Variants in ROBO2 observed in about 807,000 individuals in gnomAD.
ROBO2 encodes roundabout homolog 2.
In ROBO2, 53 loss-of-function variants were observed where a neutral mutation model predicts 160.8. The observed-to-expected ratio is 0.33, with a 90% CI of 0.26 to 0.41. The LOEUF (loss-of-function observed/expected upper bound fraction) is 0.41, where lower values mean the gene tolerates loss of function less well. ROBO2 is among the 10% of genes least tolerant of loss of function. ROBO2 has a pLI of 1.00. For synonymous variants in ROBO2, 664 were observed against 611.7 expected (o/e 1.09, Z -1.26); for missense variants, 1,577 against 1,722.4 (o/e 0.92, Z 1.49).
intron 2 of ROBO2, among the ~76,000 whole-genome samples, chr3:77,289,182 G>T (rs914838619): frequency 6.6e-6 from 1 of 152,184 alleles, no homozygotes; most frequent in Admixed American, 6.5e-5. Context: ...GCACTGATGT[G>T]AGGGGAGGTG....
intron 2 of ROBO2, among the ~76,000 whole-genome samples, chr3:76,436,235 T>A (rs1255256268): frequency 2.0e-5 from 3 of 151,926 alleles, no homozygotes; most frequent in African/African-American, 7.3e-5. Context: ...AGTTTTAGGG[T>A]ACATGTGCAC....
At position 76,585,550 on chromosome 3, in the gene ROBO2, A is replaced by G. The variant is rs540745202; in HGVS notation, c.110-512464A>G. 2.0e-5 allele frequency among the ~76,000 whole-genome samples: 3 copies of G among 152,330 alleles called. No individual in the cohort carries two copies. In the East Asian group the frequency reaches 5.8e-4, roughly 29 times the overall value. On this transcript the variant is annotated intron_variant, in intron 2 of 26. Transcript: ENST00000487694. ...ATTTGTATTTCTAGAAAGATCCCAA[A>G]TGATGCCTATGCTGCTTATTTAGGA...
intron 2 of ROBO2, among the ~76,000 whole-genome samples, chr3:77,140,331 G>C (rs547876755): frequency 6.6e-6 from 1 of 152,212 alleles, no homozygotes; most frequent in South Asian, 2.1e-4. Context: ...CTAAAAGCCT[G>C]GCTAGGACCA....
chr3:76,194,732 G>A (rs1158803458), intron 2 of ROBO2, among the ~76,000 whole-genome samples: 1 of 151,680 alleles, frequency 6.6e-6, no homozygotes, highest in Non-Finnish European at 1.5e-5. Context: ...TGATTCTCCT[G>A]CCTCAGCCTC....
chr3:76,756,411 C>T (rs2060973099), intron 2 of ROBO2, among the ~76,000 whole-genome samples: 1 of 151,772 alleles, frequency 6.6e-6, no homozygotes, highest in African/African-American at 2.4e-5. Context: ...TAAAGTATGT[C>T]TATTCTTGTA....
intron 2 of ROBO2, among the ~76,000 whole-genome samples, chr3:77,104,609 C>G (rs12489757): frequency 0.045 from 6,841 of 151,978 alleles, 199 homozygotes; most frequent in African/African-American, 0.081. Context: ...GTAGAATTGT[C>G]GAGTCATATG....
intron 1 of ROBO2, among the ~76,000 whole-genome samples, chr3:77,078,950 T>G (rs367574236): frequency 2.6e-5 from 4 of 152,232 alleles, no homozygotes; most frequent in African/African-American, 9.6e-5. Flanking sequence ...TATTGATTGA[T>G]TGATTGATTG....
intron 2 of ROBO2, among the ~76,000 whole-genome samples, chr3:76,186,986 A>G (rs1701795050): frequency 6.6e-6 from 1 of 151,962 alleles, no homozygotes; most frequent in Admixed American, 6.6e-5. Context: ...TTCTAAATTC[A>G]CTGATCCTTA....
chr3:76,390,924 T>A (rs2077119480), intron 2 of ROBO2, among the ~76,000 whole-genome samples: 1 of 152,152 alleles, frequency 6.6e-6, no homozygotes. Flanking sequence ...CAGTGAAGTG[T>A]ACCCAATAAA....
intron 5 of ROBO2, among the ~76,000 whole-genome samples, chr3:77,517,605 G>A (rs2090156267): frequency 6.6e-6 from 1 of 151,414 alleles, no homozygotes; most frequent in Non-Finnish European, 1.5e-5. Context: ...TGCTGTTACA[G>A]TCGTCCCTTC....
At chr3:77,266,086 A>G (rs564990792) in intron 2 of ROBO2, among the ~76,000 whole-genome samples, 2 of 152,246 alleles carry the variant, frequency 1.3e-5, no homozygotes, top group Admixed American at 1.3e-4. Context: ...ACAAGAACAC[A>G]CTGAGGTTTC....
chr3:76,317,729 G>A (rs1006043340), intron 2 of ROBO2, among the ~76,000 whole-genome samples: 4 of 151,950 alleles, frequency 2.6e-5, no homozygotes, highest in Non-Finnish European at 5.9e-5. Context: ...AAGATTATTA[G>A]AGTATTTTTT....
chr3:77,206,646 A>C (rs1243932099), intron 2 of ROBO2, among the ~76,000 whole-genome samples: 1 of 152,088 alleles, frequency 6.6e-6, no homozygotes, highest in Non-Finnish European at 1.5e-5. Flanking sequence ...CATAAAGAAG[A>C]TAATATATAT....
intron 2 of ROBO2, among the ~76,000 whole-genome samples, chr3:77,369,650 A>G (rs548574479): frequency 1.5e-4 from 23 of 152,188 alleles, no homozygotes; most frequent in African/African-American, 3.9e-4. Flanking sequence ...TGTGCTCCCA[A>G]TTAAAGTTTT....
intron 2 of ROBO2, among the ~76,000 whole-genome samples, chr3:76,718,577 A>G (rs781131234): frequency 6.6e-6 from 1 of 152,172 alleles, no homozygotes; most frequent in African/African-American, 2.4e-5. Flanking sequence ...ACTCTTAGCA[A>G]CTTAGGCCTG....
At chr3:76,750,588 C>A (rs2093967970) in intron 2 of ROBO2, among the ~76,000 whole-genome samples, 1 of 152,138 alleles carries the variant, frequency 6.6e-6, no homozygotes, top group Non-Finnish European at 1.5e-5. Context: ...TGATAAGCAA[C>A]TTCAGCAAAG....
chr3:77,161,769 C>G (rs1270672657), intron 2 of ROBO2, among the ~76,000 whole-genome samples: 1 of 151,828 alleles, frequency 6.6e-6, no homozygotes, highest in Non-Finnish European at 1.5e-5. Context: ...AAGAAGCAGT[C>G]ATTCAATTTC....
chr3:77,170,359 A>G (rs979795809), intron 2 of ROBO2, among the ~76,000 whole-genome samples: 1 of 151,974 alleles, frequency 6.6e-6, no homozygotes, highest in East Asian at 1.9e-4. Flanking sequence ...AGATCTAATT[A>G]TATATATATT....
At chr3:77,106,110 T>A (rs2072761204) in intron 2 of ROBO2, among the ~76,000 whole-genome samples, 1 of 152,146 alleles carries the variant, frequency 6.6e-6, no homozygotes. Flanking sequence ...CGGTGTGATC[T>A]CAGTTCACTG....
Sources: gnomAD v4.1 joint callset for allele counts (sites outside exome capture counted in the v4.1 genomes callset) on GRCh38, gnomAD v4.1.1 for gene constraint, MANE v1.5 for transcripts, NCBI Gene and HGNC (gene_info 2026-07-23, HGNC 2026-07-21) for gene names.